The following CNTN5 variants were observed in gnomAD, a reference collection of about 807,000 sequenced individuals.
CNTN5 encodes the protein contactin 5.
Under a neutral mutation model 129.1 loss-of-function variants are expected in CNTN5, and 77 were observed. The ratio of observed to expected loss-of-function variants is 0.60; its 90% CI spans 0.50 to 0.72. The LOEUF (loss-of-function observed/expected upper bound fraction) is 0.72. CNTN5 is among the 30% of genes least tolerant of loss of function. CNTN5 has a pLI of 0.00. For missense variants in CNTN5, 1,478 were observed against 1,328.8 expected, an observed-to-expected ratio of 1.11 and a Z score of -1.75; for synonymous variants, 509 against 465.6, an observed-to-expected ratio of 1.09 and a Z score of -1.20.
intron 13 of CNTN5, among the ~76,000 whole-genome samples, chr11:100,116,211 T>C (rs1268455207): frequency 6.6e-6 from 1 of 152,088 alleles, no homozygotes; most frequent in Admixed American, 6.6e-5. Flanking sequence ...TTCTTCTGAC[T>C]GCTGGGTCAG....
chr11:99,272,851 C>T (rs1388889570), intron 1 of CNTN5, among the ~76,000 whole-genome samples: 2 of 151,758 alleles, frequency 1.3e-5, no homozygotes, highest in African/African-American at 4.8e-5. Context: ...TAAATATAAA[C>T]TAGTTTATCT....
intron 18 of CNTN5, among the ~76,000 whole-genome samples, chr11:100,283,809 G>A (rs530086276): frequency 2.6e-4 from 39 of 152,008 alleles, no homozygotes; most frequent in South Asian, 4.1e-4. Flanking sequence ...AGCCGGGCGC[G>A]GTAGCGGGCA....
At chr11:99,849,367 G>GTA (rs201258318) in intron 6 of CNTN5, among the ~76,000 whole-genome samples, 2,257 of 151,596 alleles carry the variant, frequency 0.015, 27 homozygotes, top group Non-Finnish European at 0.019. Context: ...TGCATAATTA[G>GTA]TATATATATA....
chr11:100,124,273 A>G (rs1410416179), intron 13 of CNTN5, among the ~76,000 whole-genome samples: 1 of 152,066 alleles, frequency 6.6e-6, no homozygotes. Flanking sequence ...AAAACTGGAT[A>G]TTAGAAATTT....
At chr11:100,054,054 A>G (rs1943093750) in intron 9 of CNTN5, among the ~76,000 whole-genome samples, 1 of 151,768 alleles carries the variant, frequency 6.6e-6, no homozygotes, top group South Asian at 2.1e-4. Context: ...TGCCTGGGAC[A>G]TGGGTGAAAT....
At chr11:100,199,866 G>GGCTGTTT (rs1948733414) in intron 15 of CNTN5, among the ~76,000 whole-genome samples, 1 of 151,728 alleles carries the variant, frequency 6.6e-6, no homozygotes, top group African/African-American at 2.4e-5. Context: ...TCATCACTTT[G>GGCTGTTT]TACTAAGAAT....
intron 6 of CNTN5, among the ~76,000 whole-genome samples, chr11:99,909,076 A>G (rs1949586104): frequency 6.6e-6 from 1 of 152,050 alleles, no homozygotes; most frequent in East Asian, 1.9e-4. Context: ...TTCAATTCTT[A>G]TCTTCATATA....
intron 6 of CNTN5, among the ~76,000 whole-genome samples, chr11:99,880,925 T>G (rs1229328775): frequency 1.3e-5 from 2 of 152,180 alleles, no homozygotes; most frequent in East Asian, 3.9e-4. Context: ...TGTCTCTCTT[T>G]GAAATAAAAC....
chr11:100,265,945 G>A (rs756345110), intron 17 of CNTN5, among the ~76,000 whole-genome samples: 4 of 152,092 alleles, frequency 2.6e-5, no homozygotes, highest in Admixed American at 6.6e-5. Flanking sequence ...ATATAAAATT[G>A]CCTATAATCA....
At chr11:99,770,543 C>T in intron 3 of CNTN5, among the ~76,000 whole-genome samples, 1 of 151,988 alleles carries the variant, frequency 6.6e-6, no homozygotes, top group East Asian at 1.9e-4. Flanking sequence ...AATTGCTTAA[C>T]ACTCAATTAT....
intron 9 of CNTN5, among the ~76,000 whole-genome samples, chr11:100,059,825 C>T (rs960296543): frequency 2.0e-5 from 3 of 152,064 alleles, no homozygotes; most frequent in African/African-American, 7.2e-5. Flanking sequence ...ATCCATCAGT[C>T]CTGCTTTTGT....
At chr11:100,138,967 A>C (rs1418627295) in intron 13 of CNTN5, among the ~76,000 whole-genome samples, 2 of 152,110 alleles carry the variant, frequency 1.3e-5, no homozygotes, top group Non-Finnish European at 2.9e-5. Context: ...TTTCTAGTTG[A>C]CTGGAGTTTG....
intron 8 of CNTN5, among the ~76,000 whole-genome samples, chr11:99,959,779 A>T (rs1015307873): frequency 6.6e-6 from 1 of 152,218 alleles, no homozygotes; most frequent in Non-Finnish European, 1.5e-5. Context: ...TTTAACAAAA[A>T]CAAAAAAACC....
chr11:99,399,223 T>C lies in CNTN5; in HGVS notation c.-71+73739T>C, dbSNP rs145251611. On this transcript the variant is annotated intron_variant, in intron 2 of 24. Transcript: ENST00000524871. ...CATATACTTATTCATATAGATATTG[T>C]CTATACATATAATTGAATAAACTAT... Among the ~76,000 whole-genome samples, 41 of 151,766 alleles carry C rather than the reference T, an allele frequency of 2.7e-4. 1 individual carries two copies. The highest frequency in any genetic ancestry group is 8.3e-4 in the South Asian group (4 of 4,824).
chr11:99,455,771 A>C (rs1000552204), intron 2 of CNTN5, among the ~76,000 whole-genome samples: 1 of 152,202 alleles, frequency 6.6e-6, no homozygotes, highest in African/African-American at 2.4e-5. Flanking sequence ...AGTAAGAAGA[A>C]AAGGGAAAAA....
intron 18 of CNTN5, among the ~76,000 whole-genome samples, chr11:100,276,249 G>T (rs190009730): frequency 6.8e-4 from 103 of 152,090 alleles, no homozygotes; most frequent in African/African-American, 2.4e-3. Context: ...CGGTCATCAA[G>T]AAATACTCGG....
chr11:100,051,920 C>G (rs1004246496), intron 9 of CNTN5, among the ~76,000 whole-genome samples: 18 of 145,466 alleles, frequency 1.2e-4, no homozygotes, highest in African/African-American at 4.8e-4. Flanking sequence ...TTTTCCATAT[C>G]TATCAGTGAA....
intron 9 of CNTN5, among the ~76,000 whole-genome samples, chr11:100,009,528 G>A (rs1940398698): frequency 6.6e-6 from 1 of 152,098 alleles, no homozygotes; most frequent in Non-Finnish European, 1.5e-5. Context: ...ATTATCAAGA[G>A]ATTGCTCACA....
intron 7 of CNTN5, among the ~76,000 whole-genome samples, chr11:99,928,214 C>T (rs1950108237): frequency 6.6e-6 from 1 of 152,338 alleles, no homozygotes; most frequent in Middle Eastern, 3.4e-3. Context: ...CCCCTCTCAG[C>T]TGCCTTCATG....
Sources: allele counts gnomAD v4.1 joint callset (sites outside exome capture counted in the v4.1 genomes callset), GRCh38; gene constraint gnomAD v4.1.1; transcripts MANE v1.5; gene names NCBI Gene and HGNC (gene_info 2026-07-23, HGNC 2026-07-21).